ANKS1B: variants seen among roughly 807,000 people sequenced by gnomAD.
ANKS1B encodes ankyrin repeat and sterile alpha motif domain-containing protein 1B.
A neutral mutation model predicts 148.3 loss-of-function variants in ANKS1B; 36 were observed. The ratio of observed to expected loss-of-function variants is 0.24; its 90% confidence interval spans 0.19 to 0.32. The LOEUF is 0.32. Among genes scored for constraint, ANKS1B ranks in the 10% least tolerant of loss-of-function variants. ANKS1B has a pLI of 1.00. For missense variants in ANKS1B, 1,157 were observed against 1,542.6 expected, an observed-to-expected ratio of 0.75 and a Z score of 4.19; for synonymous variants, 542 against 560.8, an observed-to-expected ratio of 0.97 and a Z score of 0.47.
intron 25 of ANKS1B, among the ~76,000 whole-genome samples, chr12:98,769,165 CTTTTTTTTTTT>C (rs1182264550): frequency 0.013 from 541 of 41,260 alleles, 11 homozygotes; most frequent in African/African-American, 0.042. Flanking sequence ...GTCTTCTTTA[CTTTTTTTTTTT>C]TTTTTTTTTT....
chr12:99,334,385 G>C (rs2088314664), intron 12 of ANKS1B, among the ~76,000 whole-genome samples: 1 of 151,914 alleles, frequency 6.6e-6, no homozygotes, highest in African/African-American at 2.4e-5. Flanking sequence ...TCTGAGCTTT[G>C]CATTTTTGTT....
In ANKS1B at chr12:99,984,919, C is replaced by A. The variant is rs1360160565; in HGVS notation, c.-682G>T. Among the ~76,000 whole-genome samples the A allele has an allele frequency of 1.3e-5, 2 of 150,376 alleles. No individual in the cohort carries two copies. Among genetic ancestry groups the A allele is most frequent in the Admixed American group, 6.6e-5 (1 of 15,078 alleles). On this transcript the variant is annotated 5_prime_UTR_variant, in exon 1 of 27. Transcript: ENST00000683438. The stretch of plus-strand genomic sequence containing the variant: ...GGCAGGTGCGGCCCCTGGTGCGGCC[C>A]GAGTTGGGTGGCGGGCTGGCGGGGA...
chr12:99,402,456 C>T (rs2094430670), intron 11 of ANKS1B, among the ~76,000 whole-genome samples: 1 of 145,324 alleles, frequency 6.9e-6, no homozygotes, highest in Non-Finnish European at 1.5e-5. Context: ...TTTTCCTGAT[C>T]CTCTCCCTCC....
intron 8 of ANKS1B, among the ~76,000 whole-genome samples, chr12:99,724,253 C>T (rs1400132595): frequency 6.6e-6 from 1 of 152,068 alleles, no homozygotes; most frequent in Admixed American, 6.6e-5. Context: ...AGCTAAGAAC[C>T]TTGAAAAAAG....
At position 99,897,715 on chromosome 12, in the gene ANKS1B, G is replaced by A. The variant is rs563010366; in HGVS notation, c.135-72326C>T. On this transcript the variant is annotated intron_variant, in intron 1 of 26. Transcript: ENST00000683438. ...CCATACTAGTGCTTAGAACAAGGAC[G>A]GGGAGCCATTTTGGCTATAAAGTTT... 2.6e-4 allele frequency among the ~76,000 whole-genome samples: 40 copies of A among 150,998 alleles called. 2 individuals are homozygous for A. The highest frequency in any genetic ancestry group is 4.2e-4 in the Non-Finnish European group (28 of 67,412).
intron 12 of ANKS1B, among the ~76,000 whole-genome samples, chr12:99,369,849 CAGATAGAT>C (rs35658536): frequency 0.014 from 2,001 of 145,616 alleles, 15 homozygotes; most frequent in African/African-American, 0.026. Flanking sequence ...CAGACAGAGA[CAGATAGAT>C]AGATAGATAG....
intron 8 of ANKS1B, among the ~76,000 whole-genome samples, chr12:99,666,233 C>T (rs1223943453): frequency 6.6e-6 from 1 of 152,142 alleles, no homozygotes; most frequent in Non-Finnish European, 1.5e-5. Context: ...ATCAGAGAAA[C>T]CTCCAAATTT....
At chr12:99,515,821 A>G (rs1164260793) in intron 9 of ANKS1B, among the ~76,000 whole-genome samples, 1 of 152,070 alleles carries the variant, frequency 6.6e-6, no homozygotes, top group East Asian at 1.9e-4. Context: ...CCTCACCAGC[A>G]TTTGTTATTG....
intron 15 of ANKS1B, among the ~76,000 whole-genome samples, chr12:99,143,410 C>T (rs150776554): frequency 2.2e-4 from 33 of 152,212 alleles, no homozygotes; most frequent in African/African-American, 4.8e-4. Flanking sequence ...GCCTGCGATG[C>T]GCTTGATTCA....
At chr12:98,881,374 G>A (rs1008523259) in intron 17 of ANKS1B, among the ~76,000 whole-genome samples, 1 of 152,076 alleles carries the variant, frequency 6.6e-6, no homozygotes, top group African/African-American at 2.4e-5. Flanking sequence ...CATTTAATTA[G>A]TGGGTATTAT....
intron 15 of ANKS1B, among the ~76,000 whole-genome samples, chr12:99,119,382 A>G (rs892603230): frequency 1.3e-5 from 2 of 152,180 alleles, no homozygotes; most frequent in Non-Finnish European, 2.9e-5. Context: ...AGTGATACTT[A>G]TTTTGAATTC....
chr12:99,077,613 A>T (rs553486211), intron 16 of ANKS1B, among the ~76,000 whole-genome samples: 1 of 152,340 alleles, frequency 6.6e-6, no homozygotes, highest in South Asian at 2.1e-4. Flanking sequence ...TTTCCGCTAA[A>T]GCGTACACAC....
chr12:99,387,466 A>G (rs1593682302), intron 12 of ANKS1B, among the ~76,000 whole-genome samples: 1 of 152,146 alleles, frequency 6.6e-6, no homozygotes, highest in South Asian at 2.1e-4. Flanking sequence ...AATACAAAAA[A>G]TTAGCCAAGT....
intron 8 of ANKS1B, among the ~76,000 whole-genome samples, chr12:99,745,950 A>T: frequency 6.6e-6 from 1 of 152,272 alleles, no homozygotes; most frequent in Middle Eastern, 3.4e-3. Context: ...AAAAACAGAA[A>T]GAACCACATT....
intron 17 of ANKS1B, among the ~76,000 whole-genome samples, chr12:99,025,582 C>G (rs1332222151): frequency 6.6e-6 from 1 of 152,096 alleles, no homozygotes; most frequent in Non-Finnish European, 1.5e-5. Flanking sequence ...GGAAGGCAAT[C>G]AGGAATGAGA....
intron 9 of ANKS1B, among the ~76,000 whole-genome samples, chr12:99,512,121 C>A (rs947905734): frequency 6.6e-6 from 1 of 151,968 alleles, no homozygotes; most frequent in African/African-American, 2.4e-5. Context: ...ACAGAGTGAA[C>A]AGACAACCTA....
intron 9 of ANKS1B, among the ~76,000 whole-genome samples, chr12:99,595,341 G>T (rs10860471): frequency 0.34 from 51,939 of 151,546 alleles, 10,011 homozygotes; most frequent in African/African-American, 0.52. Flanking sequence ...GCTAATATTT[G>T]GACAAGCTTC....
chr12:99,504,916 A>G (rs1236879192), intron 9 of ANKS1B, among the ~76,000 whole-genome samples: 2 of 152,030 alleles, frequency 1.3e-5, no homozygotes, highest in Non-Finnish European at 2.9e-5. Flanking sequence ...TGTGGCATAA[A>G]CTGCTGGTTA....
chr12:99,486,456 TTATTTATTTATTTATTTA>T (rs1567195936), intron 10 of ANKS1B, among the ~76,000 whole-genome samples: 4 of 42,106 alleles, frequency 9.5e-5, no homozygotes, highest in Non-Finnish European at 1.5e-4. Context: ...TGGCATGTGC[TTATTTATTTATTTATTTA>T]TTTATTTATT....
Sources: gnomAD v4.1 joint callset for allele counts (sites outside exome capture counted in the v4.1 genomes callset) on GRCh38, gnomAD v4.1.1 for gene constraint, MANE v1.5 for transcripts, NCBI Gene and HGNC (gene_info 2026-07-23, HGNC 2026-07-21) for gene names.